Variants in SPPL3 observed in about 807,000 individuals in gnomAD.
SPPL3 encodes the protein signal peptide peptidase like 3, also known as signal peptide peptidase-like 3.
Under a neutral mutation model 42.4 loss-of-function variants are expected in SPPL3, and 5 were observed. That is an observed-to-expected ratio of 0.12 (90% confidence interval 0.06 to 0.25). The LOEUF is 0.25. Among genes scored for constraint, SPPL3 ranks in the 10% least tolerant of loss-of-function variants. SPPL3 has a pLI of 1.00. For synonymous variants in SPPL3, 195 were observed against 181.8 expected, an observed-to-expected ratio of 1.07 and a Z score of -0.58; for missense variants, 235 against 489.0, an observed-to-expected ratio of 0.48 and a Z score of 4.90.
intron 1 of SPPL3, among the ~76,000 whole-genome samples, chr12:120,877,781 T>TA (rs201989284): frequency 0.025 from 3,300 of 130,086 alleles, 119 homozygotes; most frequent in African/African-American, 0.081. Context: ...AACTCCGTCT[T>TA]AAAAAAAAAA....
intron 2 of SPPL3, among the ~76,000 whole-genome samples, chr12:120,793,137 A>G (rs1869976539): frequency 1.3e-5 from 2 of 152,254 alleles, no homozygotes; most frequent in African/African-American, 4.8e-5. Context: ...ACATTTCTTC[A>G]AAGAAGATAC....
Position 120,780,589 on chromosome 12 carries a change from A to T in SPPL3, c.502+2066T>A, listed in dbSNP as rs1221282881. 3.9e-4 allele frequency among the ~76,000 whole-genome samples: 31 copies of T among 78,694 alleles called. No homozygotes were observed. In the African/African-American group the frequency reaches 5.8e-3, roughly 15 times the overall value. The allele number at this position is 78,694 out of a possible 152,430, so 51.6% of individuals were successfully genotyped here. Reference sequence around the variant, plus strand: ...CATGAAGACACCCTGTCTCTATTTAAAAAAAAAAAAAAAAAAAGCTGGGCG... The same window carrying T: ...CATGAAGACACCCTGTCTCTATTTATAAAAAAAAAAAAAAAAAGCTGGGCG... On this transcript the variant is annotated intron_variant, in intron 6 of 10. Transcript: ENST00000353487.
chr12:120,802,968 T>G (rs533987843), intron 2 of SPPL3, among the ~76,000 whole-genome samples: 4 of 152,238 alleles, frequency 2.6e-5, no homozygotes, highest in Non-Finnish European at 5.9e-5. Flanking sequence ...GGTACTACAA[T>G]TCATTCAACA....
At chr12:120,849,692 T>A (rs776015550) in intron 1 of SPPL3, among the ~76,000 whole-genome samples, 2 of 152,198 alleles carry the variant, frequency 1.3e-5, no homozygotes, top group African/African-American at 4.8e-5. Context: ...GCTTGACTAG[T>A]GCACAATACA....
intron 6 of SPPL3, among the ~76,000 whole-genome samples, chr12:120,773,374 G>A (rs1869191843): frequency 6.6e-6 from 1 of 152,216 alleles, no homozygotes; most frequent in Non-Finnish European, 1.5e-5. Flanking sequence ...TGGCTAGGGT[G>A]ATCTGTTCAT....
chr12:120,893,226 G>A (rs1410681997), intron 1 of SPPL3, among the ~76,000 whole-genome samples: 3 of 151,576 alleles, frequency 2.0e-5, no homozygotes, highest in East Asian at 2.0e-4. Flanking sequence ...CGAGGTGGGC[G>A]GATCATGAGG....
chr12:120,890,475 G>C (rs1054281948), intron 1 of SPPL3, among the ~76,000 whole-genome samples: 45 of 151,154 alleles, frequency 3.0e-4, no homozygotes, highest in Admixed American at 2.3e-3. Flanking sequence ...TATAGTCCCA[G>C]CTACTCGGGA....
intron 1 of SPPL3, among the ~76,000 whole-genome samples, chr12:120,827,931 G>A (rs573432381): frequency 2.0e-5 from 3 of 152,232 alleles, no homozygotes; most frequent in East Asian, 1.9e-4. Context: ...GGGACTACAG[G>A]TGCACACCAC....
intron 1 of SPPL3, among the ~76,000 whole-genome samples, chr12:120,834,737 T>C (rs1008808903): frequency 6.6e-6 from 1 of 152,188 alleles, no homozygotes; most frequent in African/African-American, 2.4e-5. Flanking sequence ...GAGCTAAAAA[T>C]AACCTTTTGT....
intron 1 of SPPL3, among the ~76,000 whole-genome samples, chr12:120,853,832 TCA>T (rs1244269545): frequency 7.9e-5 from 12 of 152,202 alleles, no homozygotes; most frequent in African/African-American, 2.4e-4. Flanking sequence ...TAGATAAAAT[TCA>T]CATTTTCATA....
At position 120,845,122 on chromosome 12, in the gene SPPL3, C is replaced by T. The variant is rs146459694; in HGVS notation, c.24-34236G>A. 223 of 419,080 alleles carry T rather than the reference C, an allele frequency of 5.3e-4. 1 individual carries two copies. The East Asian group carries it at 0.011, about 20-fold the overall frequency. 26.0% of individuals were successfully genotyped at this position (419,080 alleles called of 1,614,324 possible). ...GGGGTGTCGCATTCACTTCTGGTTC[C>T]GGAGCGGACTAGACAGCCAGCCCAG... On this transcript the variant is annotated intron_variant, in intron 1 of 10. Coordinates refer to ENST00000353487, the MANE Select transcript of SPPL3 (RefSeq NM_139015.5).
chr12:120,874,389 G>T (rs914835041), intron 1 of SPPL3, among the ~76,000 whole-genome samples: 4 of 148,276 alleles, frequency 2.7e-5, no homozygotes, highest in Non-Finnish European at 6.0e-5. Context: ...GGAGGCAGAG[G>T]TTGCAGTGAG....
At chr12:120,772,314 G>A (rs1019745500) in intron 6 of SPPL3, among the ~76,000 whole-genome samples, 2 of 152,140 alleles carry the variant, frequency 1.3e-5, no homozygotes, top group African/African-American at 4.8e-5. Flanking sequence ...GAGCCACCGC[G>A]CCCGGCCCAG....
At chr12:120,812,363 C>T (rs555699976) in intron 1 of SPPL3, among the ~76,000 whole-genome samples, 185 of 152,226 alleles carry the variant, frequency 1.2e-3, no homozygotes, top group African/African-American at 4.2e-3. Context: ...AACTCCTGAC[C>T]TCAAGCAATC....
chr12:120,846,717 A>G (rs1327496088), intron 1 of SPPL3, among the ~76,000 whole-genome samples: 3 of 152,108 alleles, frequency 2.0e-5, no homozygotes, highest in Non-Finnish European at 2.9e-5. Flanking sequence ...ATAAAAAAAA[A>G]TGGCTTGTGG....
At chr12:120,903,618 T>TGCC in intron 1 of SPPL3, 1 of 471,788 alleles carries the variant, frequency 2.1e-6, no homozygotes, top group South Asian at 2.9e-5. Flanking sequence ...CATCCGCCGC[T>TGCC]GCCTCCTCCT....
At chr12:120,872,399 A>G (rs923829703) in intron 1 of SPPL3, among the ~76,000 whole-genome samples, 1 of 152,230 alleles carries the variant, frequency 6.6e-6, no homozygotes, top group Non-Finnish European at 1.5e-5. Flanking sequence ...CAGGGAAAGG[A>G]AAAAAGAAGG....
chr12:120,773,211 T>C (rs1396900664), intron 6 of SPPL3, among the ~76,000 whole-genome samples: 1 of 152,160 alleles, frequency 6.6e-6, no homozygotes, highest in African/African-American at 2.4e-5. Flanking sequence ...GATCATCATC[T>C]TTAGGAAACA....
At chr12:120,869,768 AACT>A (rs990801020) in intron 1 of SPPL3, among the ~76,000 whole-genome samples, 2 of 152,226 alleles carry the variant, frequency 1.3e-5, no homozygotes, top group Non-Finnish European at 1.5e-5. Context: ...TGAAAATGGA[AACT>A]ACTACATCTA....
Sources: gnomAD v4.1 joint callset for allele counts (sites outside exome capture counted in the v4.1 genomes callset) on GRCh38, gnomAD v4.1.1 for gene constraint, MANE v1.5 for transcripts, NCBI Gene and HGNC (gene_info 2026-07-23, HGNC 2026-07-21) for gene names.